Variants in MBD5 observed in about 807,000 individuals in gnomAD.
The protein encoded by MBD5 is methyl-CpG binding domain protein 5.
In MBD5, 13 loss-of-function variants were observed where a neutral mutation model predicts 117.3. The observed-to-expected ratio is 0.11, with a 90% CI of 0.07 to 0.18. MBD5 has a LOEUF of 0.18. MBD5 is among the 10% of genes least tolerant of loss of function. The probability of loss-of-function intolerance (pLI) is 1.00; values close to 1 mark genes in which losing one functional copy is unlikely to be tolerated. For synonymous variants in MBD5, 727 were observed against 766.4 expected (o/e 0.95, Z 0.85); for missense variants, 1,879 against 2,093.8 (o/e 0.90, Z 2.00).
chr2:148,328,359 TG>T (rs1037242483), intron 3 of MBD5, among the ~76,000 whole-genome samples: 21 of 152,212 alleles, frequency 1.4e-4, no homozygotes, highest in Non-Finnish European at 2.5e-4. Context: ...TGAGCTGTGG[TG>T]GGCTCCACCC....
intron 2 of MBD5, among the ~76,000 whole-genome samples, chr2:148,215,312 CAT>C (rs796949448): frequency 6.6e-6 from 1 of 152,298 alleles, no homozygotes; most frequent in African/African-American, 2.4e-5. Context: ...AAATCAGTGA[CAT>C]AAATAATCCC....
intron 3 of MBD5, among the ~76,000 whole-genome samples, chr2:148,237,482 A>G (rs1328438633): frequency 6.6e-6 from 1 of 152,156 alleles, no homozygotes; most frequent in East Asian, 1.9e-4. Context: ...GGAGAGGGAG[A>G]GAGACGGGGA....
At chr2:148,241,541 A>G (rs1700216327) in intron 3 of MBD5, among the ~76,000 whole-genome samples, 1 of 152,112 alleles carries the variant, frequency 6.6e-6, no homozygotes, top group East Asian at 1.9e-4. Flanking sequence ...GTGCCAGCCT[A>G]GGTCGGAATC....
At chr2:148,457,151 A>T (rs948595548) in intron 4 of MBD5, among the ~76,000 whole-genome samples, 1 of 152,176 alleles carries the variant, frequency 6.6e-6, no homozygotes, top group Non-Finnish European at 1.5e-5. Context: ...ATCTTAAGTC[A>T]TTTAACACAG....
In MBD5 at chr2:148,423,526, A is replaced by T. The variant is rs535133858; in HGVS notation, c.-556-34677A>T. 2.5e-4 allele frequency among the ~76,000 whole-genome samples: 38 copies of T among 152,220 alleles called. No homozygotes were observed. The South Asian group carries it at 7.9e-3, about 32-fold the overall frequency. On this transcript the variant is annotated intron_variant, in intron 4 of 13. Coordinates refer to ENST00000642680, the MANE Select transcript of MBD5 (RefSeq NM_001378120.1). ...AAGAGATTTCATCACCACCAGGCCT[A>T]CCTTACAAGAGCTCCTGAAGGAAGC...
At chr2:148,467,370 T>A (rs1680584675) in intron 7 of MBD5, among the ~76,000 whole-genome samples, 1 of 152,152 alleles carries the variant, frequency 6.6e-6, no homozygotes, top group Non-Finnish European at 1.5e-5. Context: ...CCAGAAAAAC[T>A]GAAGGGATTC....
chr2:148,299,230 C>T lies in MBD5; in HGVS notation c.-679-42984C>T, dbSNP rs185887305. 7.2e-5 allele frequency among the ~76,000 whole-genome samples: 11 copies of T among 152,038 alleles called. No homozygotes were observed. The East Asian group carries it at 7.7e-4, about 11-fold the overall frequency. Reference sequence around the variant, plus strand: ...GCAACCTCTGCCTCCCAGGTTCAAGCGATTCTTCTGCCTCAGGCTCCTGAG... The same window carrying T: ...GCAACCTCTGCCTCCCAGGTTCAAGTGATTCTTCTGCCTCAGGCTCCTGAG... On this transcript the variant is annotated intron_variant, in intron 3 of 13. Coordinates refer to ENST00000642680, the MANE Select transcript of MBD5 (RefSeq NM_001378120.1).
chr2:148,188,507 G>T (rs1166927918), intron 2 of MBD5, among the ~76,000 whole-genome samples: 1 of 151,878 alleles, frequency 6.6e-6, no homozygotes, highest in African/African-American at 2.4e-5. Flanking sequence ...GCAACATAAT[G>T]AGACCCTGTA....
chr2:148,394,066 A>G (rs1704636328), intron 4 of MBD5, among the ~76,000 whole-genome samples: 1 of 152,224 alleles, frequency 6.6e-6, no homozygotes, highest in African/African-American at 2.4e-5. Flanking sequence ...TTTAAGATAT[A>G]CAAATAGCAA....
chr2:148,345,969 G>C (rs1041773450), intron 4 of MBD5: 1 of 151,712 alleles, frequency 6.6e-6, no homozygotes, highest in African/African-American at 2.4e-5. Context: ...TCAGATTAAG[G>C]GTGGACGTGC....
intron 3 of MBD5, among the ~76,000 whole-genome samples, chr2:148,287,871 C>T (rs555769539): frequency 2.6e-5 from 4 of 152,202 alleles, no homozygotes; most frequent in Admixed American, 6.5e-5. Context: ...CTTGAAACTC[C>T]GAGTTCTCAA....
intron 4 of MBD5, among the ~76,000 whole-genome samples, chr2:148,358,614 A>C (rs970735821): frequency 2.9e-5 from 4 of 137,460 alleles, no homozygotes; most frequent in African/African-American, 1.1e-4. Context: ...CCCCACTAAA[A>C]ATACAAAAAA....
chr2:148,376,272 C>CT (rs11304653), intron 4 of MBD5, among the ~76,000 whole-genome samples: 29,811 of 131,258 alleles, frequency 0.23, 3,943 homozygotes, highest in African/African-American at 0.37. Context: ...CTTTTCTTTT[C>CT]TTTTTTTTTT....
At chr2:148,303,410 A>C (rs1256925108) in intron 3 of MBD5, among the ~76,000 whole-genome samples, 1 of 152,226 alleles carries the variant, frequency 6.6e-6, no homozygotes, top group Non-Finnish European at 1.5e-5. Context: ...CCACAACAGC[A>C]CAGCAGGGAG....
At chr2:148,294,812 T>G (rs114472141) in intron 3 of MBD5, among the ~76,000 whole-genome samples, 1 of 152,298 alleles carries the variant, frequency 6.6e-6, no homozygotes, top group Non-Finnish European at 1.5e-5. Flanking sequence ...AGCCCAGAAT[T>G]AAAATTTTTA....
intron 4 of MBD5, among the ~76,000 whole-genome samples, chr2:148,446,242 C>T (rs1021812925): frequency 2.0e-5 from 3 of 152,016 alleles, no homozygotes; most frequent in Non-Finnish European, 4.4e-5. Context: ...CCTAGGTTTT[C>T]TTCTAGGGTT....
intron 3 of MBD5, among the ~76,000 whole-genome samples, chr2:148,257,082 A>C (rs969880169): frequency 6.6e-6 from 1 of 152,168 alleles, no homozygotes; most frequent in Non-Finnish European, 1.5e-5. Context: ...CTGTTTCTCT[A>C]TCAAGGAATA....
At chr2:148,406,767 T>C (rs998526767) in intron 4 of MBD5, among the ~76,000 whole-genome samples, 5 of 152,156 alleles carry the variant, frequency 3.3e-5, no homozygotes, top group Non-Finnish European at 5.9e-5. Context: ...TCCAGCTCCG[T>C]AGTTTTTCGC....
At chr2:148,088,752 CCTT>C (rs1260343456) in intron 1 of MBD5, among the ~76,000 whole-genome samples, 1 of 152,034 alleles carries the variant, frequency 6.6e-6, no homozygotes, top group Non-Finnish European at 1.5e-5. Context: ...AAAAATAGAA[CCTT>C]CTTAAAGCAT....
Sources: allele counts gnomAD v4.1 joint callset (sites outside exome capture counted in the v4.1 genomes callset), GRCh38; gene constraint gnomAD v4.1.1; transcripts MANE v1.5; gene names NCBI Gene and HGNC (gene_info 2026-07-23, HGNC 2026-07-21).